ZNF454: variants seen among roughly 807,000 people sequenced by gnomAD.
The protein encoded by ZNF454 is zinc finger protein 454.
Under a neutral mutation model 48.2 loss-of-function variants are expected in ZNF454, and 30 were observed. That is an observed-to-expected ratio of 0.62 (90% confidence interval 0.47 to 0.84). ZNF454 has a LOEUF of 0.84. ZNF454 is among the 40% of genes least tolerant of loss of function. The pLI is 0.00. For synonymous variants in ZNF454, 204 were observed against 211.4 expected (o/e 0.97, Z 0.30); for missense variants, 510 against 623.1 (o/e 0.82, Z 1.93).
At chr5:178,970,908 C>G (rs913211529), downstream of ZNF454, among the ~76,000 whole-genome samples, 32 of 152,282 alleles carry the variant, frequency 2.1e-4, no homozygotes, top group African/African-American at 7.7e-4. Flanking sequence ...CCCGAGCCCC[C>G]CACAATGACC....
the ZNF454 span, chr5:178,985,694 C>CT: frequency 2.4e-3 from 890 of 374,174 alleles, 12 homozygotes; most frequent in African/African-American, 0.023. Flanking sequence ...CACAGCGAGA[C>CT]TCTGTCTAAA....
intron 2 of ZNF454, among the ~76,000 whole-genome samples, chr5:178,943,352 C>T (rs1759186431): frequency 6.6e-6 from 1 of 152,074 alleles, no homozygotes; most frequent in African/African-American, 2.4e-5. Flanking sequence ...GTGGGAGGTC[C>T]TAGACTCTTA....
In ZNF454 at chr5:178,946,816, A is replaced by G; in HGVS notation, c.161-81A>G. On this transcript the variant is annotated intron_variant, in intron 3 of 4. Coordinates refer to ENST00000519564, the MANE Select transcript of ZNF454 (RefSeq NM_001178089.3). This position sits in a 1 kb window ranked among gnomAD's most constrained non-coding sequence, Gnocchi z 4.5. Reference sequence around the variant, plus strand: ...AAGTCCCATTTCCCAGCAAGCTCTGAGGACCAGGCTTTGTCTTTGCAGTGA... The same window carrying G: ...AAGTCCCATTTCCCAGCAAGCTCTGGGGACCAGGCTTTGTCTTTGCAGTGA... 7.6e-7 allele frequency: 1 copy of G among 1,311,796 alleles called. No individual in the cohort carries two copies. The highest frequency in any genetic ancestry group is 1.3e-5 in the South Asian group (1 of 76,986). 81.3% of individuals were successfully genotyped at this position (1,311,796 alleles called of 1,614,324 possible). A position where few individuals can be genotyped will look rare whatever the true frequency, so the allele number is the denominator to read the frequency against.
At chr5:178,957,066 T>C (rs769419705) in intron 4 of ZNF454, among the ~76,000 whole-genome samples, 21 of 151,952 alleles carry the variant, frequency 1.4e-4, no homozygotes, top group Non-Finnish European at 2.9e-4. Flanking sequence ...GTGTTTTTAG[T>C]AGAGACAGGG....
intron 4 of ZNF454, among the ~76,000 whole-genome samples, chr5:178,948,727 T>C (rs1486721216): frequency 6.6e-6 from 1 of 152,088 alleles, no homozygotes; most frequent in Non-Finnish European, 1.5e-5. Flanking sequence ...ACTTAATTTA[T>C]GTCTCAAGAA....
chr5:178,985,065 G>A, the ZNF454 span, among the ~76,000 whole-genome samples: 1 of 152,260 alleles, frequency 6.6e-6, no homozygotes, highest in East Asian at 1.9e-4. Flanking sequence ...CGGCCAGCAC[G>A]AAACGCTGGC....
At chr5:178,986,822 C>T in the ZNF454 span, 24 of 1,613,156 alleles carry the variant, frequency 1.5e-5, no homozygotes, top group Admixed American at 3.3e-5. Flanking sequence ...ACCTGGGGCT[C>T]GGTCTGCACA....
At chr5:178,947,744 C>T (rs968249604) in intron 4 of ZNF454, among the ~76,000 whole-genome samples, 38 of 152,070 alleles carry the variant, frequency 2.5e-4, no homozygotes, top group African/African-American at 6.3e-4. Context: ...AGCACTGTAG[C>T]GTCTCCCTGT....
the ZNF454 span, chr5:178,985,562 G>C: frequency 1.1e-4 from 36 of 338,958 alleles, no homozygotes; most frequent in Admixed American, 6.0e-4. Flanking sequence ...AATTAGCCGG[G>C]CGTGGTGGCG....
At chr5:178,966,800 T>C (rs1404271726), downstream of ZNF454, among the ~76,000 whole-genome samples, 1 of 152,148 alleles carries the variant, frequency 6.6e-6, no homozygotes, top group Non-Finnish European at 1.5e-5. Flanking sequence ...CCATGCTTCC[T>C]GCCTTTTGCT....
intron 4 of ZNF454, among the ~76,000 whole-genome samples, chr5:178,954,411 A>G (rs959421820): frequency 6.6e-6 from 1 of 152,168 alleles, no homozygotes; most frequent in African/African-American, 2.4e-5. Flanking sequence ...CTTGATACTA[A>G]TAATGGACAC....
chr5:178,986,696 G>T, the ZNF454 span: 1 of 1,604,650 alleles, frequency 6.2e-7, no homozygotes. Context: ...CCGCAGGGCA[G>T]GCTGCACAGA....
the ZNF454 span, among the ~76,000 whole-genome samples, chr5:178,987,635 G>A: frequency 6.6e-6 from 1 of 152,318 alleles, no homozygotes; most frequent in African/African-American, 2.4e-5. Context: ...CCGTGGAATG[G>A]CGGTTGCAGG....
At chr5:178,968,133 A>ACC (rs1183168021), downstream of ZNF454, among the ~76,000 whole-genome samples, 1 of 150,260 alleles carries the variant, frequency 6.7e-6, no homozygotes, top group African/African-American at 2.4e-5. Flanking sequence ...ACACACACAC[A>ACC]CACACACAGC....
rs1339267662 is a variant in ZNF454 at position 178,944,481 on chromosome 5, CA to C, written c.33+1660del. 6.6e-6 allele frequency among the ~76,000 whole-genome samples: 1 copy of C among 152,180 alleles called. No individual in the cohort carries two copies. Among genetic ancestry groups the C allele is most frequent in the African/African-American group, 2.4e-5 (1 of 41,446 alleles). ...GTGCCAGGAATTATGATCTGGGCTACAAATACAAAGTGAACGATAAATGGGC... is the reference window on the plus strand; with the variant it reads ...GTGCCAGGAATTATGATCTGGGCTACAATACAAAGTGAACGATAAATGGGC... On this transcript the variant is annotated intron_variant, in intron 2 of 4. Coordinates refer to ENST00000519564, the MANE Select transcript of ZNF454 (RefSeq NM_001178089.3). This position sits in a 1 kb window ranked among gnomAD's most constrained non-coding sequence, Gnocchi z 4.1.
Position 178,946,763 on chromosome 5 carries a change from A to AAC in ZNF454, c.161-129_161-128dup, listed in dbSNP as rs1320841056. 7.1e-6 allele frequency: 6 copies of AAC among 841,080 alleles called. No individual in the cohort carries two copies. In the African/African-American group the frequency reaches 1.0e-4, roughly 14 times the overall value. 52.1% of individuals were successfully genotyped at this position (841,080 alleles called of 1,614,324 possible). ...TGAGTAATCTTTTCCTCCCTCTGGG[A>AAC]ACACACCTGACCCTGGGCTTTCCTA... On this transcript the variant is annotated intron_variant, in intron 3 of 4. Transcript: ENST00000519564. This position sits in a 1 kb window ranked among gnomAD's most constrained non-coding sequence, Gnocchi z 4.5.
chr5:178,985,529 C>T, the ZNF454 span: 10 of 339,070 alleles, frequency 2.9e-5, no homozygotes, highest in African/African-American at 4.4e-5. Flanking sequence ...CGGTGAAGCC[C>T]TGTCTCTACT....
chr5:178,949,084 C>T (rs1320906051), intron 4 of ZNF454, among the ~76,000 whole-genome samples: 5 of 152,162 alleles, frequency 3.3e-5, no homozygotes, highest in African/African-American at 1.2e-4. Flanking sequence ...GAGTCTCACT[C>T]TGTCACCCAG....
the ZNF454 span, chr5:178,986,724 G>A: frequency 6.2e-7 from 1 of 1,605,288 alleles, no homozygotes; most frequent in Non-Finnish European, 8.5e-7. Context: ...GCACCTCGTG[G>A]GGGTCGCCAG....
Sources: allele counts gnomAD v4.1 joint callset (sites outside exome capture counted in the v4.1 genomes callset), GRCh38; gene constraint gnomAD v4.1.1; non-coding constraint Gnocchi (gnomAD v3.1); transcripts MANE v1.5; gene names NCBI Gene and HGNC (gene_info 2026-07-23, HGNC 2026-07-21).